Variants in TMEM150C observed in about 807,000 individuals in gnomAD.
The protein encoded by TMEM150C is tentonin 3.
TMEM150C carries 10 observed loss-of-function variants against 29.9 expected under a neutral mutation model. That is an observed-to-expected ratio of 0.33 (90% CI 0.21 to 0.57). TMEM150C has a LOEUF of 0.57. Ranked by LOEUF, TMEM150C falls within the 20% of genes least tolerant of loss-of-function variation. The probability of loss-of-function intolerance (pLI) is 0.88; values close to 1 mark genes in which losing one functional copy is unlikely to be tolerated. For synonymous variants in TMEM150C, 101 were observed against 112.5 expected, an observed-to-expected ratio of 0.90 and a Z score of 0.64; for missense variants, 251 against 303.6, an observed-to-expected ratio of 0.83 and a Z score of 1.29.
At chr4:82,545,703 GCAAAT>G (rs1192134842) in intron 1 of TMEM150C, among the ~76,000 whole-genome samples, 1 of 152,194 alleles carries the variant, frequency 6.6e-6, no homozygotes, top group African/African-American at 2.4e-5. Context: ...GCTGAGGCTG[GCAAAT>G]CACTTAAGGC....
At chr4:82,531,703 C>T (rs1724851454) in intron 1 of TMEM150C, among the ~76,000 whole-genome samples, 3 of 139,324 alleles carry the variant, frequency 2.2e-5, no homozygotes, top group South Asian at 2.3e-4. Flanking sequence ...TGTAGTGAGC[C>T]GAGATTGCAC....
intron 1 of TMEM150C, among the ~76,000 whole-genome samples, chr4:82,558,830 A>G (rs1357647966): frequency 6.6e-6 from 1 of 152,222 alleles, no homozygotes; most frequent in African/African-American, 2.4e-5. Context: ...CTAAGCCATC[A>G]TATCCCCTGT....
intron 6 of TMEM150C, chr4:82,495,277 C>G (rs547922278): frequency 1.3e-5 from 3 of 222,978 alleles, no homozygotes; most frequent in Admixed American, 1.1e-4. Flanking sequence ...TCCGTCTCTA[C>G]TAAAAATACA....
At chr4:82,489,361 T>C (rs561540302) in intron 7 of TMEM150C, among the ~76,000 whole-genome samples, 1 of 152,212 alleles carries the variant, frequency 6.6e-6, no homozygotes, top group South Asian at 2.1e-4. Flanking sequence ...CCCTGGTTTC[T>C]CTGCTTGTTA....
chr4:82,556,889 T>C (rs531842661), intron 1 of TMEM150C, among the ~76,000 whole-genome samples: 4 of 152,150 alleles, frequency 2.6e-5, no homozygotes, highest in African/African-American at 9.7e-5. Context: ...AACACAGAGA[T>C]AATTTGGGAG....
At chr4:82,543,978 T>C (rs952037031) in intron 1 of TMEM150C, among the ~76,000 whole-genome samples, 1 of 152,220 alleles carries the variant, frequency 6.6e-6, no homozygotes, top group African/African-American at 2.4e-5. Flanking sequence ...TACCTAACTA[T>C]ATCATTTTGC....
intron 1 of TMEM150C, among the ~76,000 whole-genome samples, chr4:82,541,358 T>C (rs1284185578): frequency 6.6e-6 from 1 of 152,194 alleles, no homozygotes; most frequent in Non-Finnish European, 1.5e-5. Flanking sequence ...GTTTCATTCA[T>C]CTACACATCT....
At chr4:82,530,876 G>A (rs1430413341) in intron 1 of TMEM150C, among the ~76,000 whole-genome samples, 1 of 152,170 alleles carries the variant, frequency 6.6e-6, no homozygotes, top group East Asian at 1.9e-4. Context: ...TACATGGCCG[G>A]AGCAAGAGAG....
In TMEM150C at chr4:82,545,374, G is replaced by A. The variant is rs548329958; in HGVS notation, c.-11+16532C>T. Among the ~76,000 whole-genome samples, 5 of 152,256 alleles carry A rather than the reference G, an allele frequency of 3.3e-5. No homozygotes were observed. In the East Asian group the frequency reaches 9.6e-4, roughly 29 times the overall value. ...TTTCATGATAAAAATAAAGAAGCTA[G>A]GCATTGAAGGAACATACCTCAAAAT... On this transcript the variant is annotated intron_variant, in intron 1 of 7. Transcript: ENST00000449862.
At chr4:82,527,083 G>A (rs1214247977) in intron 1 of TMEM150C, among the ~76,000 whole-genome samples, 1 of 131,548 alleles carries the variant, frequency 7.6e-6, no homozygotes, top group Non-Finnish European at 1.5e-5. Context: ...ACTTCACAGA[G>A]TAAACCTCAG....
chr4:82,518,097 T>C (rs1470859500), intron 1 of TMEM150C, among the ~76,000 whole-genome samples: 3 of 151,880 alleles, frequency 2.0e-5, no homozygotes, highest in East Asian at 1.9e-4. Context: ...GGGCGGATCA[T>C]CTGAGGTCAG....
intron 1 of TMEM150C, among the ~76,000 whole-genome samples, chr4:82,545,603 C>T (rs1463259702): frequency 2.6e-5 from 4 of 152,188 alleles, no homozygotes; most frequent in Non-Finnish European, 4.4e-5. Flanking sequence ...AACTATCTCT[C>T]TTTGTGGGTG....
At chr4:82,550,963 T>C (rs1725559118) in intron 1 of TMEM150C, among the ~76,000 whole-genome samples, 1 of 151,880 alleles carries the variant, frequency 6.6e-6, no homozygotes, top group Non-Finnish European at 1.5e-5. Context: ...GTAGGTATGG[T>C]TTAGTGGAGG....
At chr4:82,514,344 G>A (rs968586919) in intron 1 of TMEM150C, among the ~76,000 whole-genome samples, 9 of 152,192 alleles carry the variant, frequency 5.9e-5, no homozygotes, top group African/African-American at 1.7e-4. Context: ...CTGTTCTACC[G>A]TGGTATATTG....
intron 1 of TMEM150C, among the ~76,000 whole-genome samples, chr4:82,558,666 G>A (rs1232995968): frequency 1.3e-5 from 2 of 151,622 alleles, no homozygotes; most frequent in Non-Finnish European, 2.9e-5. Flanking sequence ...GATATTTGGT[G>A]ATAACAATAA....
At chr4:82,559,354 G>A (rs1725842926) in intron 1 of TMEM150C, among the ~76,000 whole-genome samples, 1 of 149,264 alleles carries the variant, frequency 6.7e-6, no homozygotes, top group South Asian at 2.1e-4. Flanking sequence ...AGACCAGCCT[G>A]ATCAACATGG....
At chr4:82,539,926 A>AAG (rs1725142465) in intron 1 of TMEM150C, among the ~76,000 whole-genome samples, 1 of 152,108 alleles carries the variant, frequency 6.6e-6, no homozygotes, top group South Asian at 2.1e-4. Context: ...GAATACTGTG[A>AAG]AGAAAACCAC....
chr4:82,543,931 A>G (rs1725273480), intron 1 of TMEM150C, among the ~76,000 whole-genome samples: 1 of 152,224 alleles, frequency 6.6e-6, no homozygotes, highest in Non-Finnish European at 1.5e-5. Flanking sequence ...GGAGGCCTAC[A>G]GATCCTCCTT....
intron 1 of TMEM150C, among the ~76,000 whole-genome samples, chr4:82,557,234 T>C (rs1280280322): frequency 6.6e-6 from 1 of 152,218 alleles, no homozygotes; most frequent in African/African-American, 2.4e-5. Context: ...AATGGTAGGT[T>C]ACACCTTAAG....
Sources: allele counts gnomAD v4.1 joint callset (sites outside exome capture counted in the v4.1 genomes callset), GRCh38; gene constraint gnomAD v4.1.1; transcripts MANE v1.5; gene names NCBI Gene and HGNC (gene_info 2026-07-23, HGNC 2026-07-21).